Variants in FTCDNL1 observed in about 807,000 individuals in gnomAD.
The protein encoded by FTCDNL1 is formiminotransferase N-terminal subdomain-containing protein.
Under a neutral mutation model 5.9 loss-of-function variants are expected in FTCDNL1, and 11 were observed. That is an observed-to-expected ratio of 1.87 (90% CI 1.18 to 3.10). FTCDNL1 has a LOEUF of 3.10. Ranked by LOEUF, FTCDNL1 falls within the 30% of genes most tolerant of loss-of-function variation. FTCDNL1 has a pLI of 0.00. For synonymous variants in FTCDNL1, 58 were observed against 24.8 expected (o/e 2.34, Z -3.99); for missense variants, 115 against 65.5 (o/e 1.76, Z -2.61).
At chr2:199,815,183 T>C (rs1197673531) in intron 4 of FTCDNL1, among the ~76,000 whole-genome samples, 1 of 152,212 alleles carries the variant, frequency 6.6e-6, no homozygotes, top group African/African-American at 2.4e-5. Context: ...TGCTTTGCCC[T>C]TATTTATGTT....
chr2:199,706,261 G>A, the FTCDNL1 span, among the ~76,000 whole-genome samples: 43 of 152,134 alleles, frequency 2.8e-4, no homozygotes, highest in Non-Finnish European at 5.4e-4. Flanking sequence ...CTCTTTAGGT[G>A]TTAGAATCCT....
intron 3 of FTCDNL1, among the ~76,000 whole-genome samples, chr2:199,771,620 G>A (rs576322350): frequency 1.3e-5 from 2 of 152,256 alleles, no homozygotes; most frequent in East Asian, 3.9e-4. Flanking sequence ...AATAGGAAAA[G>A]TATGTCATAA....
the FTCDNL1 span, among the ~76,000 whole-genome samples, chr2:199,714,340 AT>A: frequency 3.1e-4 from 47 of 151,960 alleles, no homozygotes; most frequent in South Asian, 3.5e-3. Context: ...CTAAAAAAAA[AT>A]TATGTCCAAA....
chr2:199,816,006 A>G (rs202129857), intron 4 of FTCDNL1, among the ~76,000 whole-genome samples: 1 of 148,798 alleles, frequency 6.7e-6, no homozygotes, highest in Non-Finnish European at 1.5e-5. Context: ...TCTCAAAAAA[A>G]AAAGAAAGAA....
At chr2:199,664,882 G>T in the FTCDNL1 span, among the ~76,000 whole-genome samples, 7 of 152,128 alleles carry the variant, frequency 4.6e-5, no homozygotes, top group East Asian at 1.2e-3. Flanking sequence ...TTACTCGCCT[G>T]CTGCCAATAG....
the FTCDNL1 span, among the ~76,000 whole-genome samples, chr2:199,717,508 G>GTTTTTTTTTTTT: frequency 2.4e-5 from 2 of 83,808 alleles, no homozygotes; most frequent in African/African-American, 1.1e-4. Flanking sequence ...ACAAGGCAGA[G>GTTTTTTTTTTTT]ATTTTTTTTT....
the FTCDNL1 span, among the ~76,000 whole-genome samples, chr2:199,694,833 C>CA: frequency 7.3e-5 from 11 of 151,432 alleles, no homozygotes; most frequent in Non-Finnish European, 1.3e-4. Flanking sequence ...GACCCTGTCT[C>CA]AAAAAAAATT....
chr2:199,686,844 C>A, the FTCDNL1 span, among the ~76,000 whole-genome samples: 1 of 152,164 alleles, frequency 6.6e-6, no homozygotes, highest in Admixed American at 6.5e-5. Flanking sequence ...CAACACTGAG[C>A]TCAGCAACTC....
intron 3 of FTCDNL1, among the ~76,000 whole-genome samples, chr2:199,788,960 C>T (rs1699790285): frequency 6.6e-6 from 1 of 150,472 alleles, no homozygotes; most frequent in Non-Finnish European, 1.5e-5. Flanking sequence ...GAATATAAGT[C>T]ACCAAAATTA....
intron 3 of FTCDNL1, among the ~76,000 whole-genome samples, chr2:199,843,446 G>A (rs971661713): frequency 2.0e-5 from 3 of 152,084 alleles, no homozygotes; most frequent in Non-Finnish European, 4.4e-5. Context: ...CCCCCATGCT[G>A]AATTTTAACT....
intron 3 of FTCDNL1, among the ~76,000 whole-genome samples, chr2:199,766,386 T>C (rs1220208730): frequency 1.3e-5 from 2 of 152,180 alleles, no homozygotes; most frequent in South Asian, 2.1e-4. Flanking sequence ...CCTTCCCATA[T>C]TGGCCTTTGA....
At chr2:199,849,178 G>C (rs960404910) in intron 1 of FTCDNL1, among the ~76,000 whole-genome samples, 4 of 152,170 alleles carry the variant, frequency 2.6e-5, no homozygotes, top group Admixed American at 2.6e-4. Context: ...TATAAACCTT[G>C]TAACGACACT....
At chr2:199,770,112 C>T (rs566358900) in intron 3 of FTCDNL1, among the ~76,000 whole-genome samples, 2 of 152,182 alleles carry the variant, frequency 1.3e-5, no homozygotes, top group East Asian at 1.9e-4. Flanking sequence ...CTCAGCACCA[C>T]CAGTACAGTT....
rs969049230 is a variant in FTCDNL1, at chr2:199,810,931, A to G, written c.*1774T>C. Among the ~76,000 whole-genome samples, 1 of 152,188 alleles carries G rather than the reference A, an allele frequency of 6.6e-6. No individual in the cohort carries two copies. Among genetic ancestry groups the G allele is most frequent in the African/African-American group, 2.4e-5 (1 of 41,452 alleles). On this transcript the variant is annotated 3_prime_UTR_variant, in exon 5 of 5. Coordinates refer to ENST00000420128, the MANE Select transcript of FTCDNL1 (RefSeq NM_001363886.2). The stretch of plus-strand genomic sequence containing the variant: ...GCCTTCTGGGTTCACTTTTCCCTAG[A>G]CTACGATGGTTTGGGGGCTTTGTTG...
At chr2:199,750,498 G>A in the FTCDNL1 span, among the ~76,000 whole-genome samples, 3 of 152,256 alleles carry the variant, frequency 2.0e-5, no homozygotes, top group South Asian at 6.2e-4. Flanking sequence ...CAACTTGACT[G>A]AACTTATTTT....
chr2:199,759,247 G>A (rs1343170769), downstream of FTCDNL1, among the ~76,000 whole-genome samples: 1 of 150,272 alleles, frequency 6.7e-6, no homozygotes, highest in Admixed American at 6.6e-5. Flanking sequence ...AAAATACTGG[G>A]ATTAGGATGG....
At chr2:199,781,941 G>A (rs1469097013) in intron 3 of FTCDNL1, among the ~76,000 whole-genome samples, 1 of 152,022 alleles carries the variant, frequency 6.6e-6, no homozygotes, top group Admixed American at 6.5e-5. Context: ...CACCACACCT[G>A]GCTAATTCCT....
chr2:199,672,858 G>A, the FTCDNL1 span, among the ~76,000 whole-genome samples: 73 of 152,106 alleles, frequency 4.8e-4, no homozygotes, highest in Non-Finnish European at 7.4e-4. Flanking sequence ...GAACTGTTAG[G>A]AGGTTGCCCC....
intron 3 of FTCDNL1, among the ~76,000 whole-genome samples, chr2:199,794,695 T>C (rs557387678): frequency 1.0e-3 from 153 of 152,136 alleles, no homozygotes; most frequent in Middle Eastern, 6.8e-3. Context: ...CTGAGCAACA[T>C]AGTGAAACCT....
Sources: gnomAD v4.1 joint callset for allele counts (sites outside exome capture counted in the v4.1 genomes callset) on GRCh38, gnomAD v4.1.1 for gene constraint, MANE v1.5 for transcripts, NCBI Gene and HGNC (gene_info 2026-07-23, HGNC 2026-07-21) for gene names.